The following BICRAL variants were observed in gnomAD, a reference collection of about 807,000 sequenced individuals.
BICRAL encodes the protein BICRA like chromatin remodeling complex associated protein.
Under a neutral mutation model 91.8 loss-of-function variants are expected in BICRAL, and 8 were observed. The observed-to-expected ratio is 0.09, with a 90% CI of 0.05 to 0.16. BICRAL has a LOEUF of 0.16. Ranked by LOEUF, BICRAL falls within the 10% of genes least tolerant of loss-of-function variation. BICRAL has a pLI of 1.00. For synonymous variants in BICRAL, 445 were observed against 491.1 expected (o/e 0.91, Z 1.24); for missense variants, 1,038 against 1,310.9 (o/e 0.79, Z 3.21).
At chr6:42,798,299 C>T (rs1246595833) in intron 1 of BICRAL, among the ~76,000 whole-genome samples, 2 of 151,752 alleles carry the variant, frequency 1.3e-5, no homozygotes, top group Admixed American at 6.6e-5. Flanking sequence ...ATGCAATATA[C>T]CCATGTAACA....
chr6:42,753,219 G>T (rs1440360898), intron 1 of BICRAL, among the ~76,000 whole-genome samples: 1 of 151,902 alleles, frequency 6.6e-6, no homozygotes, highest in African/African-American at 2.4e-5. Flanking sequence ...GAGCCACCAT[G>T]CCTGGCCTGA....
At chr6:42,855,160 G>A (rs956066870) in intron 8 of BICRAL, among the ~76,000 whole-genome samples, 5 of 152,140 alleles carry the variant, frequency 3.3e-5, no homozygotes, top group Non-Finnish European at 7.3e-5. Context: ...TATATAACAG[G>A]AGCTTAAAAG....
intron 1 of BICRAL, among the ~76,000 whole-genome samples, chr6:42,801,249 TAAAAAAAA>T (rs386406867): frequency 4.5e-5 from 6 of 134,494 alleles, no homozygotes; most frequent in African/African-American, 1.7e-4. Context: ...AGACTCTGTT[TAAAAAAAA>T]AAAAAAAAAA....
chr6:42,860,989 G>C (rs1765538570), intron 11 of BICRAL, among the ~76,000 whole-genome samples: 1 of 152,124 alleles, frequency 6.6e-6, no homozygotes, highest in African/African-American at 2.4e-5. Flanking sequence ...AGCTAGGCGT[G>C]GTGGCGCATG....
rs1166999485 is a variant in BICRAL, at chr6:42,828,905, A to G, written c.572A>G (p.His191Arg). ...TVGVQHGFMQ[H>R]VGISVPSQHL... ...GGTGTACAACATGGCTTTATGCAAC[A>G]TGTGGGGATCAGTGTTCCCAGCCAG... Residue 191 changes from histidine (H) to arginine (R), a missense_variant, in exon 6 of 13, where the codon CAT (histidine) becomes CGT (arginine). By Grantham distance (29) the His-to-Arg change is conservative. Around this residue, in one of 5 missense-constraint regions of BICRAL, gnomAD observed 532 missense variants for 724.9 expected, o/e 0.73. Transcript: ENST00000314073. 1.2e-6 allele frequency: 2 copies of G among 1,614,076 alleles called. No individual in the cohort carries two copies. The highest frequency in any genetic ancestry group is 1.3e-5 in the African/African-American group (1 of 74,948).
chr6:42,832,387 GTA>G (rs1238075057), intron 6 of BICRAL, among the ~76,000 whole-genome samples: 18 of 143,790 alleles, frequency 1.3e-4, no homozygotes, highest in Non-Finnish European at 2.3e-4. Flanking sequence ...ATGTATGTAT[GTA>G]TATATATATA....
At chr6:42,783,397 C>A (rs1318097154) in intron 1 of BICRAL, among the ~76,000 whole-genome samples, 1 of 152,196 alleles carries the variant, frequency 6.6e-6, no homozygotes, top group Non-Finnish European at 1.5e-5. Context: ...TGTTCGCGCC[C>A]CCCCGAGTCG....
Position 42,837,586 on chromosome 6 carries a change from T to A in BICRAL, c.1839+7414T>A, listed in dbSNP as rs920743000. 2.6e-5 allele frequency among the ~76,000 whole-genome samples: 4 copies of A among 151,868 alleles called. No individual in the cohort carries two copies. The East Asian group carries it at 7.8e-4, about 29-fold the overall frequency. ...GACCAACAAGGTGAAACCCCATCTCTACTAAATATCCAAAAATTAGCCGGA... is the reference window on the plus strand; with the variant it reads ...GACCAACAAGGTGAAACCCCATCTCAACTAAATATCCAAAAATTAGCCGGA... On this transcript the variant is annotated intron_variant, in intron 6 of 12. Transcript: ENST00000314073.
chr6:42,771,274 C>T (rs2113844543), intron 1 of BICRAL, among the ~76,000 whole-genome samples: 1 of 152,370 alleles, frequency 6.6e-6, no homozygotes, highest in South Asian at 2.1e-4. Flanking sequence ...CCCCTGCGGG[C>T]CGCCGCTGCG....
intron 1 of BICRAL, among the ~76,000 whole-genome samples, chr6:42,802,361 A>C (rs1763598340): frequency 6.6e-6 from 1 of 152,186 alleles, no homozygotes; most frequent in Admixed American, 6.5e-5. Flanking sequence ...ATATTCAGAT[A>C]GTTTGTCTTT....
chr6:42,844,168 G>A (rs186731683), intron 6 of BICRAL, among the ~76,000 whole-genome samples: 7 of 150,504 alleles, frequency 4.7e-5, no homozygotes, highest in African/African-American at 1.7e-4. Flanking sequence ...TATAGATAGA[G>A]TAGAAAACAG....
At chr6:42,796,471 C>T (rs917202505) in intron 1 of BICRAL, among the ~76,000 whole-genome samples, 1 of 152,028 alleles carries the variant, frequency 6.6e-6, no homozygotes, top group Non-Finnish European at 1.5e-5. Flanking sequence ...TAGAACATTA[C>T]GGGTGTTCAC....
At chr6:42,855,393 A>G (rs552903565) in intron 8 of BICRAL, among the ~76,000 whole-genome samples, 7 of 152,154 alleles carry the variant, frequency 4.6e-5, no homozygotes, top group Non-Finnish European at 1.0e-4. Flanking sequence ...ATACCAAAAA[A>G]TTAACAGGCG....
At chr6:42,814,078 C>G (rs1317244283) in intron 2 of BICRAL, among the ~76,000 whole-genome samples, 1 of 151,960 alleles carries the variant, frequency 6.6e-6, no homozygotes, top group Non-Finnish European at 1.5e-5. Flanking sequence ...TTCATGTCTG[C>G]TTAAAGTCTC....
intron 1 of BICRAL, among the ~76,000 whole-genome samples, chr6:42,800,681 C>G (rs1286292284): frequency 6.6e-6 from 1 of 152,066 alleles, no homozygotes; most frequent in Non-Finnish European, 1.5e-5. Flanking sequence ...TCCTGAGTAG[C>G]TGGGACTACA....
At chr6:42,827,733 A>C (rs1471540596) in intron 5 of BICRAL, among the ~76,000 whole-genome samples, 1 of 151,994 alleles carries the variant, frequency 6.6e-6, no homozygotes, top group African/African-American at 2.4e-5. Context: ...AAAACAAAAA[A>C]ATTTAACTCG....
At chr6:42,750,877 C>CT (rs397886906) in intron 1 of BICRAL, among the ~76,000 whole-genome samples, 1,481 of 90,452 alleles carry the variant, frequency 0.016, 153 homozygotes, top group Non-Finnish European at 0.022. Context: ...CGCGCCCGGC[C>CT]TTTTTTTTTT....
chr6:42,846,149 G>A (rs1030726315), intron 6 of BICRAL, among the ~76,000 whole-genome samples: 3 of 151,350 alleles, frequency 2.0e-5, no homozygotes, highest in Non-Finnish European at 4.4e-5. Context: ...GGCCGAGGCA[G>A]GCGCATCACG....
At chr6:42,811,107 G>A (rs1019821802) in intron 2 of BICRAL, among the ~76,000 whole-genome samples, 3 of 152,098 alleles carry the variant, frequency 2.0e-5, no homozygotes, top group Admixed American at 6.6e-5. Context: ...GTGTAGAAAT[G>A]GTGAAAATCA....
Sources: gnomAD v4.1 joint callset for allele counts (sites outside exome capture counted in the v4.1 genomes callset) on GRCh38, gnomAD v4.1.1 for gene constraint, gnomAD v4.1.1 regional missense constraint, MANE v1.5 for transcripts, NCBI Gene and HGNC (gene_info 2026-07-23, HGNC 2026-07-21) for gene names.